Variants in GRIK2 observed in about 807,000 individuals in gnomAD.
The protein encoded by GRIK2 is glutamate receptor ionotropic, kainate 2.
GRIK2 carries 32 observed loss-of-function variants against 100.3 expected under a neutral mutation model. That is an observed-to-expected ratio of 0.32 (90% CI 0.24 to 0.43). GRIK2 has a LOEUF of 0.43. Ranked by LOEUF, GRIK2 falls within the 20% of genes least tolerant of loss-of-function variation. The probability of loss-of-function intolerance (pLI) is 1.00; values close to 1 mark genes in which losing one functional copy is unlikely to be tolerated. For synonymous variants in GRIK2, 417 were observed against 389.4 expected, an observed-to-expected ratio of 1.07 and a Z score of -0.83; for missense variants, 843 against 1,114.9, an observed-to-expected ratio of 0.76 and a Z score of 3.47.
chr6:101,597,881 C>T (rs953940769), intron 2 of GRIK2, among the ~76,000 whole-genome samples: 4 of 151,582 alleles, frequency 2.6e-5, no homozygotes, highest in South Asian at 2.1e-4. Flanking sequence ...CCTGCGGTGG[C>T]GCTGGTATTT....
Position 101,398,971 on chromosome 6 carries a change from C to G in GRIK2, c.-293-14C>G. The stretch of plus-strand genomic sequence containing the variant: ...GGGTTTCCTACTGATTTCCCTCCTC[C>G]TCTGCTTTCACAGGCTCGCGCGGCC... On this transcript the variant is annotated splice_polypyrimidine_tract_variant and intron_variant, in intron 1 of 16. Coordinates refer to ENST00000369134, the MANE Select transcript of GRIK2 (RefSeq NM_021956.5). The G allele has an allele frequency of 2.2e-6, 1 of 446,784 alleles. No individual in the cohort carries two copies. The highest frequency in any genetic ancestry group is 3.9e-6 in the Non-Finnish European group (1 of 254,026). 27.7% of individuals were successfully genotyped at this position (446,784 alleles called of 1,614,324 possible). A position where few individuals can be genotyped will look rare whatever the true frequency, so the allele number is the denominator to read the frequency against.
At chr6:101,410,822 A>G (rs1241622518) in intron 2 of GRIK2, among the ~76,000 whole-genome samples, 2 of 152,084 alleles carry the variant, frequency 1.3e-5, no homozygotes, top group African/African-American at 4.8e-5. Flanking sequence ...TATTGGGAAA[A>G]TTGCCTGACT....
At chr6:101,896,628 T>C (rs1286057506) in intron 12 of GRIK2, among the ~76,000 whole-genome samples, 1 of 151,754 alleles carries the variant, frequency 6.6e-6, no homozygotes, top group Non-Finnish European at 1.5e-5. Context: ...TTTCAAATTC[T>C]ATGGATAAAT....
In GRIK2 at chr6:101,984,614, A is replaced by AACACACACACACACACACAC. The variant is rs10678285; in HGVS notation, c.2086-50704_2086-50685dup. 1.1e-3 allele frequency among the ~76,000 whole-genome samples: 140 copies of AACACACACACACACACACAC among 129,240 alleles called. 1 individual carries two copies. The highest frequency in any genetic ancestry group is 4.6e-3 in the East Asian group (19 of 4,090). The allele number at this position is 129,240 out of a possible 152,430, so 84.8% of individuals were successfully genotyped here. ...TTATATGTGCAGGAATACACATTAA[A>AACACACACACACACACACAC]ACACACACACACACACACACACACA... On this transcript the variant is annotated intron_variant, in intron 14 of 16. Coordinates refer to ENST00000369134, the MANE Select transcript of GRIK2 (RefSeq NM_021956.5).
intron 2 of GRIK2, among the ~76,000 whole-genome samples, chr6:101,487,861 G>A (rs1055366587): frequency 6.9e-6 from 1 of 145,832 alleles, no homozygotes; most frequent in Non-Finnish European, 1.5e-5. Flanking sequence ...ATATTTTTAA[G>A]AATCACATAG....
chr6:101,436,660 A>G (rs970711253), intron 2 of GRIK2, among the ~76,000 whole-genome samples: 1 of 151,992 alleles, frequency 6.6e-6, no homozygotes, highest in African/African-American at 2.4e-5. Context: ...GATTCTTCTC[A>G]GTTCATTTTA....
At chr6:101,724,219 G>A (rs1325880047) in intron 7 of GRIK2, among the ~76,000 whole-genome samples, 2 of 151,560 alleles carry the variant, frequency 1.3e-5, no homozygotes, top group Non-Finnish European at 2.9e-5. Flanking sequence ...AGATTCAGGG[G>A]GTACATGGAC....
At chr6:101,432,156 A>G (rs2128243250) in intron 2 of GRIK2, among the ~76,000 whole-genome samples, 1 of 152,230 alleles carries the variant, frequency 6.6e-6, no homozygotes, top group Admixed American at 6.5e-5. Context: ...CCCTCTTGCC[A>G]GGACCTTCTC....
intron 7 of GRIK2, among the ~76,000 whole-genome samples, chr6:101,791,388 A>G (rs905810962): frequency 6.6e-6 from 1 of 152,166 alleles, no homozygotes; most frequent in Non-Finnish European, 1.5e-5. Context: ...AATGTGTCCC[A>G]GCGATTCTGG....
chr6:101,546,979 C>A (rs535633521), intron 2 of GRIK2, among the ~76,000 whole-genome samples: 1 of 149,634 alleles, frequency 6.7e-6, no homozygotes, highest in Non-Finnish European at 1.5e-5. Context: ...TACAGGCGCC[C>A]GCCACTACGC....
At chr6:101,518,243 A>G (rs1165054074) in intron 2 of GRIK2, among the ~76,000 whole-genome samples, 2 of 152,174 alleles carry the variant, frequency 1.3e-5, no homozygotes, top group South Asian at 2.1e-4. Context: ...AAAAACAGTC[A>G]CTGTTAATGT....
Position 101,888,863 on chromosome 6 carries a change from A to G in GRIK2, c.1525-777A>G, listed in dbSNP as rs144895158. Among the ~76,000 whole-genome samples the G allele has an allele frequency of 1.9e-3, 292 of 152,250 alleles. 2 individuals carry two copies. The highest frequency in any genetic ancestry group is 6.7e-3 in the African/African-American group (278 of 41,566). ...ACAGATGCTTTCATTATTTTAAAAT[A>G]TTGTAATTATTTCTTACAATATATT... On this transcript the variant is annotated intron_variant, in intron 11 of 16. Coordinates refer to ENST00000369134, the MANE Select transcript of GRIK2 (RefSeq NM_021956.5).
At chr6:101,836,639 A>ATG (rs1250344741) in intron 10 of GRIK2, among the ~76,000 whole-genome samples, 4,186 of 119,808 alleles carry the variant, frequency 0.035, 86 homozygotes, top group Non-Finnish European at 0.044. Context: ...ATATATATGT[A>ATG]TGTGTATATA....
At chr6:101,873,851 G>A (rs1475040234) in intron 11 of GRIK2, among the ~76,000 whole-genome samples, 1 of 152,156 alleles carries the variant, frequency 6.6e-6, no homozygotes, top group Non-Finnish European at 1.5e-5. Context: ...GGCCAGTGAT[G>A]ATGAGCATCT....
At chr6:101,542,246 A>T (rs748538317) in intron 2 of GRIK2, among the ~76,000 whole-genome samples, 12 of 152,096 alleles carry the variant, frequency 7.9e-5, no homozygotes, top group Non-Finnish European at 1.2e-4. Context: ...ATTCAAAGAA[A>T]AAAAAAGAAC....
chr6:101,693,382 T>A (rs991919963), intron 7 of GRIK2, among the ~76,000 whole-genome samples: 1 of 152,094 alleles, frequency 6.6e-6, no homozygotes, highest in African/African-American at 2.4e-5. Context: ...GATAAATACA[T>A]TTCTGCACAC....
chr6:101,994,310 T>A (rs2128493130), intron 14 of GRIK2, among the ~76,000 whole-genome samples: 1 of 151,654 alleles, frequency 6.6e-6, no homozygotes, highest in Non-Finnish European at 1.5e-5. Flanking sequence ...CTTTGTATTT[T>A]TAGTACATAA....
chr6:101,735,567 G>A (rs890404638), intron 7 of GRIK2, among the ~76,000 whole-genome samples: 7 of 152,078 alleles, frequency 4.6e-5, no homozygotes, highest in African/African-American at 1.7e-4. Flanking sequence ...GCTTGTGTAG[G>A]GAAACTTCCA....
intron 2 of GRIK2, among the ~76,000 whole-genome samples, chr6:101,428,306 T>C (rs1769168199): frequency 6.6e-6 from 1 of 152,222 alleles, no homozygotes; most frequent in South Asian, 2.1e-4. Flanking sequence ...ATGCAGTTTT[T>C]AAAAATGCTG....
Sources: gnomAD v4.1 joint callset for allele counts (sites outside exome capture counted in the v4.1 genomes callset) on GRCh38, gnomAD v4.1.1 for gene constraint, MANE v1.5 for transcripts, NCBI Gene and HGNC (gene_info 2026-07-23, HGNC 2026-07-21) for gene names.